The following VWA3B variants were observed in gnomAD, a reference collection of about 807,000 sequenced individuals.
The protein encoded by VWA3B is von Willebrand factor A domain containing 3B, also known as von Willebrand factor A domain-containing protein 3B.
Under a neutral mutation model 158.3 loss-of-function variants are expected in VWA3B, and 138 were observed. That is an observed-to-expected ratio of 0.87 (90% confidence interval 0.76 to 1.00). The LOEUF (loss-of-function observed/expected upper bound fraction) is 1.00, where lower values mean the gene tolerates loss of function less well. Among genes scored for constraint, VWA3B ranks in the 50% least tolerant of loss-of-function variants. The probability of loss-of-function intolerance (pLI) is 0.00; values close to 1 mark genes in which losing one functional copy is unlikely to be tolerated. For missense variants in VWA3B, 1,555 were observed against 1,565.1 expected, an observed-to-expected ratio of 0.99 and a Z score of 0.11; for synonymous variants, 596 against 587.3, an observed-to-expected ratio of 1.01 and a Z score of -0.21.
intron 9 of VWA3B, among the ~76,000 whole-genome samples, chr2:98,185,293 C>T (rs1680940569): frequency 6.6e-6 from 1 of 152,184 alleles, no homozygotes; most frequent in African/African-American, 2.4e-5. Flanking sequence ...CCTCTCTATC[C>T]TCCCATGCAT....
chr2:98,313,915 A>G (rs973712948), downstream of VWA3B, among the ~76,000 whole-genome samples: 4 of 152,218 alleles, frequency 2.6e-5, no homozygotes, highest in Non-Finnish European at 4.4e-5. Context: ...GGAAGTTGCA[A>G]TTACAACGGT....
chr2:98,329,860 C>G, the VWA3B span, among the ~76,000 whole-genome samples: 1 of 152,152 alleles, frequency 6.6e-6, no homozygotes, highest in African/African-American at 2.4e-5. Flanking sequence ...AGTTCCTGCC[C>G]GTGCCCAAGA....
chr2:98,224,055 G>A (rs1388546748), intron 14 of VWA3B, among the ~76,000 whole-genome samples: 1 of 152,184 alleles, frequency 6.6e-6, no homozygotes, highest in African/African-American at 2.4e-5. Context: ...CTTCAAGGAT[G>A]AAGGGGAAAT....
rs1047971599 is a variant in VWA3B, at chr2:98,191,040, C to G, written c.1467-1858C>G. ...TTATCTCTGATGAAAATGCTTTTGT[C>G]TTTTTTCTCTCTGAGTTAACTTTAA... is the stretch of plus-strand genomic sequence containing the variant. On this transcript the variant is annotated intron_variant, in intron 10 of 27. Transcript: ENST00000477737. 3.3e-5 allele frequency among the ~76,000 whole-genome samples: 5 copies of G among 152,024 alleles called. No homozygotes were observed. In the South Asian group the frequency reaches 1.0e-3, roughly 32 times the overall value.
intron 19 of VWA3B, among the ~76,000 whole-genome samples, chr2:98,237,478 G>A (rs1685780086): frequency 6.6e-6 from 1 of 152,238 alleles, no homozygotes; most frequent in Admixed American, 6.5e-5. Flanking sequence ...AGAACCACCA[G>A]ATTGTCCTAG....
intron 7 of VWA3B, among the ~76,000 whole-genome samples, chr2:98,146,498 C>T (rs935681598): frequency 2.0e-5 from 3 of 152,310 alleles, no homozygotes; most frequent in African/African-American, 7.2e-5. Context: ...ACCTCTTTGC[C>T]TCTCTTAACC....
At chr2:98,256,269 A>G in intron 21 of VWA3B, 95 bp downstream of exon 21, 1 of 1,333,706 alleles carries the variant, frequency 7.5e-7, no homozygotes, top group Non-Finnish European at 1.0e-6. Context: ...AGAGGTATTT[A>G]AAATATTCAA....
At chr2:98,298,438 TATTCTATGCCATGCC>T (rs1689967865) in intron 24 of VWA3B, among the ~76,000 whole-genome samples, 4 of 131,336 alleles carry the variant, frequency 3.0e-5, no homozygotes, top group South Asian at 4.9e-4. Flanking sequence ...TATTCTATTC[TATTCTATGCCATGCC>T]ATGCCATGCC....
intron 8 of VWA3B, among the ~76,000 whole-genome samples, chr2:98,170,471 A>G (rs1300323202): frequency 1.3e-5 from 2 of 152,216 alleles, no homozygotes; most frequent in Non-Finnish European, 2.9e-5. Context: ...GTAGGTCTAC[A>G]GGAGTTTAGA....
intron 12 of VWA3B, among the ~76,000 whole-genome samples, chr2:98,209,000 A>C (rs1340455282): frequency 6.6e-6 from 1 of 152,112 alleles, no homozygotes; most frequent in Non-Finnish European, 1.5e-5. Context: ...TAGATGATTC[A>C]TGGCTGGCAG....
At chr2:98,153,507 C>T (rs1677806745) in intron 7 of VWA3B, among the ~76,000 whole-genome samples, 1 of 152,198 alleles carries the variant, frequency 6.6e-6, no homozygotes. Flanking sequence ...CACATTCAGG[C>T]TGCTATGCTT....
chr2:98,313,738 T>C (rs892553800), downstream of VWA3B, among the ~76,000 whole-genome samples: 4 of 152,230 alleles, frequency 2.6e-5, no homozygotes, highest in African/African-American at 9.6e-5. Context: ...TCTCTTCGTC[T>C]CCACTTTCTC....
intron 15 of VWA3B, 62 bp downstream of exon 15, chr2:98,228,394 CT>C (rs1685090947): frequency 1.3e-6 from 2 of 1,526,636 alleles, no homozygotes; most frequent in African/African-American, 2.8e-5. Flanking sequence ...GGCTTGCCCC[CT>C]GGGCCCTTGT....
chr2:98,203,638 G>T (rs1255677455), intron 12 of VWA3B, among the ~76,000 whole-genome samples: 2 of 152,154 alleles, frequency 1.3e-5, no homozygotes, highest in East Asian at 3.8e-4. Flanking sequence ...TGCAGCTCTT[G>T]TACCTGTTTA....
chr2:98,266,653 C>T (rs62156749), intron 21 of VWA3B, among the ~76,000 whole-genome samples: 3,528 of 126,668 alleles, frequency 0.028, 50 homozygotes, highest in Middle Eastern at 0.064. Context: ...GCCATTTTCA[C>T]GATATTGATT....
In VWA3B at chr2:98,217,909, T is replaced by C. The variant is rs367829156; in HGVS notation, c.1900T>C (p.Phe634Leu). Residue 634 changes from phenylalanine to leucine, a missense_variant, in exon 14 of 28, where the codon TTC (phenylalanine) becomes CTC (leucine). Physicochemically the swap from Phe to Leu is conservative, Grantham distance 22. Coordinates refer to ENST00000477737, the MANE Select transcript of VWA3B (RefSeq NM_144992.5). Reference protein sequence around the residue: ...FQEIPIYTISFNYNDEIANRF... With the variant: ...FQEIPIYTISLNYNDEIANRF... ...GGAAATTCCTATTTATACCATCTCC[T>C]TCAATTACAATGATGAGATTGCAAA... 2 of 1,613,318 alleles carry C rather than the reference T, an allele frequency of 1.2e-6. No individual in the cohort carries two copies. The highest frequency in any genetic ancestry group is 1.3e-5 in the African/African-American group (1 of 74,938).
chr2:98,292,496 C>T (rs1470004922), intron 23 of VWA3B, among the ~76,000 whole-genome samples: 2 of 151,966 alleles, frequency 1.3e-5, no homozygotes, highest in Non-Finnish European at 2.9e-5. Context: ...TTGGGATGAT[C>T]GCATAGGCTA....
chr2:98,153,848 C>T (rs948920586), intron 7 of VWA3B, among the ~76,000 whole-genome samples: 5 of 152,100 alleles, frequency 3.3e-5, no homozygotes, highest in Non-Finnish European at 5.9e-5. Context: ...CAGTGGGCTG[C>T]CTTGGATTTC....
At chr2:98,294,326 A>G (rs192130202) in intron 23 of VWA3B, among the ~76,000 whole-genome samples, 4 of 140,680 alleles carry the variant, frequency 2.8e-5, no homozygotes, top group African/African-American at 1.0e-4. Flanking sequence ...CATTTTTAGT[A>G]AAAAAAACAG....
Sources: allele counts gnomAD v4.1 joint callset (sites outside exome capture counted in the v4.1 genomes callset), GRCh38; gene constraint gnomAD v4.1.1; transcripts MANE v1.5; gene names NCBI Gene and HGNC (gene_info 2026-07-23, HGNC 2026-07-21).